Variants in BOC observed in about 807,000 individuals in gnomAD.
BOC encodes brother of CDO.
Under a neutral mutation model 112.0 loss-of-function variants are expected in BOC, and 76 were observed. That is an observed-to-expected ratio of 0.68 (90% CI 0.56 to 0.82). The LOEUF is 0.82. Ranked by LOEUF, BOC falls within the 40% of genes least tolerant of loss-of-function variation. BOC has a pLI of 0.00. For missense variants in BOC, 1,309 were observed against 1,511.7 expected (o/e 0.87, Z 2.22); for synonymous variants, 580 against 599.8 (o/e 0.97, Z 0.48).
chr3:113,286,283 C>T (rs1345080198), intron 19 of BOC, among the ~76,000 whole-genome samples: 1 of 152,090 alleles, frequency 6.6e-6, no homozygotes, highest in Non-Finnish European at 1.5e-5. Flanking sequence ...TAAACTGGAC[C>T]GTGTCAATCT....
rs574721078 is a variant in BOC at position 113,266,150 on chromosome 3, G to T, written c.377-2149G>T. On this transcript the variant is annotated intron_variant, in intron 4 of 19. Transcript: ENST00000682979. ...GACCCGCAGGCATCATGCTTGTTCAGCCTGGAAAGTGAAATGGGGCAATAG... is the reference window on the plus strand; with the variant it reads ...GACCCGCAGGCATCATGCTTGTTCATCCTGGAAAGTGAAATGGGGCAATAG... 1.2e-4 allele frequency among the ~76,000 whole-genome samples: 18 copies of T among 152,342 alleles called. No individual in the cohort carries two copies. In the East Asian group the frequency reaches 1.9e-3, roughly 16 times the overall value.
Position 113,270,952 on chromosome 3 carries a change from C to T in BOC, c.667+8C>T. Reference sequence around the variant, plus strand: ...ACAGGCTACGTGTGCGCCGTAAGGCCCGGGCCCACCTGCTGGGGGATGGGG... The same window carrying T: ...ACAGGCTACGTGTGCGCCGTAAGGCTCGGGCCCACCTGCTGGGGGATGGGG... On this transcript the variant is annotated splice_region_variant and intron_variant, in intron 6 of 19. Coordinates refer to ENST00000682979, the MANE Select transcript of BOC (RefSeq NM_001378074.1). The T allele has an allele frequency of 6.2e-7, 1 of 1,614,088 alleles. No homozygotes were observed. The highest frequency in any genetic ancestry group is 8.5e-7 in the Non-Finnish European group (1 of 1,180,028).
In BOC at chr3:113,274,193, G is replaced by A. The variant is rs1948432125; in HGVS notation, c.1235-182G>A. ...CCAGCCTGCCTTTTCCTTCTGGCAG[G>A]ACAGGGACACCAGCGCTGTCTTCCA... On this transcript the variant is annotated intron_variant, in intron 8 of 19. Transcript: ENST00000682979. The surrounding 1 kb of genome is among the most constrained non-coding windows in gnomAD (Gnocchi z 4.8). 6.6e-6 allele frequency among the ~76,000 whole-genome samples: 1 copy of A among 152,180 alleles called. No homozygotes were observed.
intron 2 of BOC, among the ~76,000 whole-genome samples, chr3:113,226,192 A>G (rs1576337658): frequency 2.0e-5 from 3 of 152,324 alleles, no homozygotes; most frequent in Admixed American, 6.5e-5. Context: ...CTTGTAATAC[A>G]TGAAAAAAAC....
intron 8 of BOC, 56 bp downstream of exon 8, chr3:113,273,397 T>G: frequency 6.7e-7 from 1 of 1,500,778 alleles, no homozygotes; most frequent in South Asian, 1.3e-5. Flanking sequence ...AATCCTTTTC[T>G]CAAATGAAAT....
intron 13 of BOC, 92 bp downstream of exon 13, chr3:113,280,097 G>C: frequency 7.7e-7 from 1 of 1,295,934 alleles, no homozygotes; most frequent in South Asian, 1.5e-5. Context: ...CCCGAACAGG[G>C]CACCTGAAAG....
chr3:113,229,293 C>T lies in BOC; in HGVS notation c.-82+13019C>T, dbSNP rs867372427. 4.1e-4 allele frequency among the ~76,000 whole-genome samples: 63 copies of T among 152,264 alleles called. 1 individual carries two copies. The highest frequency in any genetic ancestry group is 2.8e-3 in the Admixed American group (43 of 15,288). On this transcript the variant is annotated intron_variant, in intron 2 of 19. Transcript: ENST00000682979. ...CCTTGGATGGCCAACGGCTGTTCTA[C>T]TTCTCAGTGATCTGAGTCCCTGGAA...
chr3:113,281,299 A>C, intron 15 of BOC, 146 bp downstream of exon 15: 2 of 989,386 alleles, frequency 2.0e-6, no homozygotes, highest in Non-Finnish European at 2.9e-6. Flanking sequence ...GTCATGTTTC[A>C]CTCTCTACTC....
Position 113,278,850 on chromosome 3 carries a change from T to TTCAGCCATG in BOC, c.1816+67_1816+68insTCAGCCATG. On this transcript the variant is annotated intron_variant, in intron 11 of 19. Coordinates refer to ENST00000682979, the MANE Select transcript of BOC (RefSeq NM_001378074.1). The surrounding 1 kb of genome is among the most constrained non-coding windows in gnomAD (Gnocchi z 4.2). ...GAACTGCCTCAGAGGCCTGTTCCCATGGCTGAATGGGGTCTTGCTTCTGTA... is the reference window on the plus strand; with the variant it reads ...GAACTGCCTCAGAGGCCTGTTCCCATTCAGCCATGGGCTGAATGGGGTCTTGCTTCTGTA... The TTCAGCCATG allele has an allele frequency of 7.4e-7, 1 of 1,354,444 alleles. No individual in the cohort carries two copies. Among genetic ancestry groups the TTCAGCCATG allele is most frequent in the Non-Finnish European group, 1.0e-6 (1 of 972,440 alleles). The allele number at this position is 1,354,444 out of a possible 1,614,324, so 83.9% of individuals were successfully genotyped here.
Position 113,279,236 on chromosome 3 carries a change from C to T in BOC, c.1817-13C>T, listed in dbSNP as rs770885738. 43 of 1,610,552 alleles carry T rather than the reference C, an allele frequency of 2.7e-5. No homozygotes were observed. The highest frequency in any genetic ancestry group is 8.9e-5 in the East Asian group (4 of 44,824). ...ACCCTGCTTCCTTCCTCACTGGATA[C>T]GGTCTTTCCCAGCCCCAGAAGCTCC... is the stretch of plus-strand genomic sequence containing the variant. On this transcript the variant is annotated splice_polypyrimidine_tract_variant and intron_variant, in intron 11 of 19. Transcript: ENST00000682979.
intron 6 of BOC, 161 bp from the exon 7 acceptor site, chr3:113,272,248 GC>G: frequency 1.4e-6 from 1 of 727,714 alleles, no homozygotes; most frequent in Non-Finnish European, 2.3e-6. Context: ...AGGACACCAA[GC>G]CCCAAGGGAA....
At chr3:113,279,803 A>G in intron 12 of BOC, 21 bp from the exon 13 acceptor site, 3 of 1,586,318 alleles carry the variant, frequency 1.9e-6, no homozygotes, top group South Asian at 1.1e-5. Context: ...TCCTGAGTTC[A>G]GTGAGTGTCC....
chr3:113,213,196 C>A (rs1452022078), intron 1 of BOC, among the ~76,000 whole-genome samples: 1 of 152,202 alleles, frequency 6.6e-6, no homozygotes, highest in Admixed American at 6.5e-5. Context: ...CCCTTCTCTG[C>A]AAGTTCAAAT....
intron 4 of BOC, among the ~76,000 whole-genome samples, chr3:113,267,888 A>G (rs896722082): frequency 6.6e-6 from 1 of 152,200 alleles, no homozygotes; most frequent in African/African-American, 2.4e-5. Context: ...AAAAGACATG[A>G]GCATTCTCTT....
At chr3:113,233,148 G>GGT (rs59444901) in intron 2 of BOC, among the ~76,000 whole-genome samples, 9,609 of 123,814 alleles carry the variant, frequency 0.078, 448 homozygotes, top group East Asian at 0.11. Context: ...AAAGGATTGG[G>GGT]GTGTGTGTGT....
intron 9 of BOC, among the ~76,000 whole-genome samples, chr3:113,276,007 G>A (rs1948630413): frequency 6.6e-6 from 1 of 152,212 alleles, no homozygotes; most frequent in Non-Finnish European, 1.5e-5. Context: ...CCTCTTCATA[G>A]GCAGCCAGCA....
intron 4 of BOC, among the ~76,000 whole-genome samples, chr3:113,258,642 G>A (rs1946486118): frequency 6.6e-6 from 1 of 152,198 alleles, no homozygotes; most frequent in Non-Finnish European, 1.5e-5. Flanking sequence ...GAGAAGGGTT[G>A]TAGGGAAAGA....
chr3:113,228,271 G>A (rs1050757106), intron 2 of BOC, among the ~76,000 whole-genome samples: 11 of 152,144 alleles, frequency 7.2e-5, no homozygotes, highest in Non-Finnish European at 1.3e-4. Flanking sequence ...GGCAGATGAT[G>A]GTGTAGAGTT....
intron 1 of BOC, chr3:113,212,733 T>TACGTGTGTGCGCGC (rs1938463629): frequency 6.6e-6 from 1 of 152,452 alleles, no homozygotes; most frequent in Non-Finnish European, 1.5e-5. Context: ...TGTGTGCGTG[T>TACGTGTGTGCGCGC]ACGTGTGTGC....
Sources: gnomAD v4.1 joint callset for allele counts (sites outside exome capture counted in the v4.1 genomes callset) on GRCh38, gnomAD v4.1.1 for gene constraint, Gnocchi (gnomAD v3.1) non-coding constraint, MANE v1.5 for transcripts, NCBI Gene and HGNC (gene_info 2026-07-23, HGNC 2026-07-21) for gene names.